C1S: variants seen among roughly 807,000 people sequenced by gnomAD.
C1S encodes complement C1s, also known as complement C1s subcomponent.
A neutral mutation model predicts 54.0 loss-of-function variants in C1S; 31 were observed. That is an observed-to-expected ratio of 0.57 (90% CI 0.43 to 0.78). The LOEUF (loss-of-function observed/expected upper bound fraction) is 0.78, where lower values mean the gene tolerates loss of function less well. Ranked by LOEUF, C1S falls within the 30% of genes least tolerant of loss-of-function variation. C1S has a pLI of 0.00. For synonymous variants in C1S, 292 were observed against 303.6 expected (o/e 0.96, Z 0.40); for missense variants, 727 against 851.8 (o/e 0.85, Z 1.82).
chr12:7,069,168 GGTCT>G (rs1240846615), intron 11 of C1S, among the ~76,000 whole-genome samples: 27 of 152,320 alleles, frequency 1.8e-4, no homozygotes, highest in African/African-American at 6.0e-4. Context: ...TTTGAGCCCA[GGTCT>G]GTCTAAGTTC....
intron 9 of C1S, 164 bp from the exon 10 acceptor site, chr12:7,067,479 G>A: frequency 1.2e-6 from 1 of 804,316 alleles, no homozygotes; most frequent in East Asian, 2.4e-5. Flanking sequence ...GCTGAGAGAT[G>A]CCAGTTGGGG....
At chr12:7,062,121 A>G in intron 2 of C1S, 1 of 587,978 alleles carries the variant, frequency 1.7e-6, no homozygotes. Flanking sequence ...AAAAAAAAAA[A>G]TTAGCCCAGC....
At chr12:7,065,578 C>T (rs1470139125) in intron 6 of C1S, 6 of 612,448 alleles carry the variant, frequency 9.8e-6, no homozygotes, top group Admixed American at 5.7e-5. Context: ...CTATGTTGCT[C>T]AGGATAGCCT....
rs963302690 is a variant in C1S at position 7,065,265 on chromosome 12, C to T, written c.683C>T (p.Ala228Val). ...AGAGAAGATTTTGATGTGGAAGCAG[C>T]TGACTCAGCGGGAAACTGCCTTGAC... ...LRREDFDVEA[A>V]DSAGNCLDSL... The change falls in exon 6 of 12, where the codon GCT (alanine) becomes GTT (valine). Residue 228 changes from alanine to valine, a missense_variant. Physicochemically the swap from Ala to Val is moderately conservative, Grantham distance 64 (BLOSUM62 0). This residue lies in a region of C1S where 357 missense variants were observed against 365.4 expected (regional missense o/e 0.98). Coordinates refer to ENST00000360817, the MANE Select transcript of C1S (RefSeq NM_001734.5). 6.2e-7 allele frequency: 1 copy of T among 1,614,074 alleles called. No homozygotes were observed. The highest frequency in any genetic ancestry group is 1.3e-5 in the African/African-American group (1 of 75,030).
chr12:7,064,493 C>G (rs1947144817), intron 5 of C1S, 101 bp downstream of exon 5: 7 of 1,162,580 alleles, frequency 6.0e-6, no homozygotes, highest in African/African-American at 1.5e-5. Context: ...TTAGGCCAAG[C>G]CTTCATTTGG....
intron 7 of C1S, chr12:7,066,227 G>T (rs1386037648): frequency 3.3e-6 from 2 of 609,096 alleles, no homozygotes; most frequent in East Asian, 5.5e-5. Context: ...TTGTTGTTCT[G>T]ATAGAATCCT....
chr12:7,065,347 T>A (rs1947158789), intron 6 of C1S, 48 bp downstream of exon 6: 1 of 1,466,268 alleles, frequency 6.8e-7, no homozygotes, highest in Non-Finnish European at 9.6e-7. Context: ...CACAGAGAGA[T>A]CTCTCCCTGA....
chr12:7,069,299 G>A (rs1171626661), intron 11 of C1S, among the ~76,000 whole-genome samples: 1 of 152,160 alleles, frequency 6.6e-6, no homozygotes, highest in African/African-American at 2.4e-5. Context: ...ACCAGTCACT[G>A]GGAGTGAGAG....
Position 7,070,025 on chromosome 12 carries a change from A to T in C1S, c.1441A>T (p.Arg481Trp). The part of the protein sequence containing the change: ...LTAAHVVEGN[R>W]EPTMYVGSTS... Reference sequence around the variant, plus strand: ...GGCTGCTCATGTTGTGGAGGGAAACAGGGAGCCAACAATGTATGTTGGGTC... The same window carrying T: ...GGCTGCTCATGTTGTGGAGGGAAACTGGGAGCCAACAATGTATGTTGGGTC... The change falls in exon 12 of 12, where the codon AGG becomes TGG. Residue 481 changes from arginine (R) to tryptophan (W), a missense_variant. By Grantham distance (101) the Arg-to-Trp change is moderately radical (BLOSUM62 -3). Transcript: ENST00000360817. The surrounding 1 kb of genome is among the most constrained non-coding windows in gnomAD (Gnocchi z 4.9). 6.2e-7 allele frequency: 1 copy of T among 1,614,196 alleles called. No homozygotes were observed. The highest frequency in any genetic ancestry group is 1.3e-5 in the African/African-American group (1 of 75,058).
intron 9 of C1S, chr12:7,067,319 C>A: frequency 3.1e-6 from 2 of 644,320 alleles, no homozygotes; most frequent in Non-Finnish European, 2.8e-6. Flanking sequence ...ATGTTTCTTT[C>A]CAAGAAAGGG....
intron 9 of C1S, 179 bp from the exon 10 acceptor site, chr12:7,067,464 A>G: frequency 1.3e-6 from 1 of 764,580 alleles, no homozygotes; most frequent in South Asian, 1.4e-5. Flanking sequence ...TCAGCGGGTG[A>G]GAGAGCTGAG....
At chr12:7,062,040 C>T (rs139040528) in intron 2 of C1S, 123 bp downstream of exon 2, 106 of 961,242 alleles carry the variant, frequency 1.1e-4, no homozygotes, top group Middle Eastern at 1.1e-3. Flanking sequence ...GAGGCTGAGG[C>T]GGGAGGATTG....
At position 7,067,058 on chromosome 12, in the gene C1S, C is replaced by T. The variant is rs782070807; in HGVS notation, c.1007C>T (p.Ser336Phe). The T allele has an allele frequency of 4.3e-6, 7 of 1,611,966 alleles. No individual in the cohort carries two copies. The highest frequency in any genetic ancestry group is 5.9e-6 in the Non-Finnish European group (7 of 1,178,102). Reference protein sequence around the residue: ...EVVEGRVGATSFYSTCQSNGK... With the variant: ...EVVEGRVGATFFYSTCQSNGK... ...CTCCAGGGACGTGTTGGTGCAACATCTTTCTATTCGACTTGTCAAAGCAAT... is the reference window on the plus strand; with the variant it reads ...CTCCAGGGACGTGTTGGTGCAACATTTTTCTATTCGACTTGTCAAAGCAAT... Residue 336 changes from serine (S) to phenylalanine (F), a missense_variant, in exon 9 of 12, where the codon TCT (serine) becomes TTT (phenylalanine). Physicochemically the swap from Ser to Phe is radical, Grantham distance 155. Transcript: ENST00000360817.
At chr12:7,066,238 G>A (rs1947175567) in intron 7 of C1S, 7 of 609,350 alleles carry the variant, frequency 1.1e-5, no homozygotes, top group South Asian at 5.9e-5. Context: ...ATAGAATCCT[G>A]AGATACTTCA....
At chr12:7,069,097 A>G (rs1231817365) in intron 11 of C1S, among the ~76,000 whole-genome samples, 2 of 152,190 alleles carry the variant, frequency 1.3e-5, no homozygotes, top group African/African-American at 2.4e-5. Flanking sequence ...TTATCTGACC[A>G]ATGTCAAATG....
rs782042818 is a variant in C1S, at chr12:7,070,569, A to G, written c.1985A>G (p.Tyr662Cys). The G allele has an allele frequency of 3.7e-6, 6 of 1,613,742 alleles. No individual in the cohort carries two copies. The highest frequency in any genetic ancestry group is 3.3e-5 in the Admixed American group (2 of 59,984). Residue 662 changes from tyrosine (Y) to cysteine (C), a missense_variant, in exon 12 of 12, where the codon TAT becomes TGT. Coordinates refer to ENST00000360817, the MANE Select transcript of C1S (RefSeq NM_001734.5). The surrounding 1 kb of genome is among the most constrained non-coding windows in gnomAD (Gnocchi z 4.9). ...TCCTGGGGGCCCCAGTGTGGGACCT[A>G]TGGGCTCTACACACGGGTAAAGAAC... ...LVSWGPQCGT[Y>C]GLYTRVKNYV...
rs1555162679 is a variant in C1S, at chr12:7,068,519, A to G, written c.1259A>G (p.Lys420Arg). 6.8e-6 allele frequency: 11 copies of G among 1,613,014 alleles called. No homozygotes were observed. Among genetic ancestry groups the G allele is most frequent in the Non-Finnish European group, 8.5e-6 (10 of 1,179,034 alleles). Residue 420 changes from lysine (K) to arginine (R), a missense_variant, in exon 11 of 12, where the codon AAA (lysine) becomes AGA (arginine). Lys to Arg is a conservative substitution (Grantham distance 26, BLOSUM62 2). Transcript: ENST00000360817. Reference sequence around the variant, plus strand: ...GAGGTGCTGGGCCCGGAGCTGCCGAAATGTGTTCCAGGTAAGGAGGGCTGA... The same window carrying G: ...GAGGTGCTGGGCCCGGAGCTGCCGAGATGTGTTCCAGGTAAGGAGGGCTGA... ...VNEVLGPELP[K>R]CVPVCGVPRE...
In C1S at chr12:7,062,918, G is replaced by A; in HGVS notation, c.242G>A (p.Arg81Lys). ...QIISGDTEEGRLCGQRSSNNP... is the reference protein window; with the variant it reads ...QIISGDTEEGKLCGQRSSNNP... ...ATCTCAGGAGACACTGAAGAAGGGA[G>A]GCTCTGTGGACAGAGGAGCAGTAAC... Residue 81 changes from arginine (R) to lysine (K), a missense_variant, in exon 4 of 12, where the codon AGG becomes AAG. By Grantham distance (26) the Arg-to-Lys change is conservative. Transcript: ENST00000360817. The A allele has an allele frequency of 1.2e-6, 2 of 1,614,036 alleles. No homozygotes were observed. Among genetic ancestry groups the A allele is most frequent in the Non-Finnish European group, 1.7e-6 (2 of 1,179,990 alleles).
Position 7,067,624 on chromosome 12 carries a change from T to G in C1S, c.1067-19T>G, listed in dbSNP as rs1555162498. 1 of 1,613,576 alleles carries G rather than the reference T, an allele frequency of 6.2e-7. No individual in the cohort carries two copies. On this transcript the variant is annotated intron_variant, in intron 9 of 11. Transcript: ENST00000360817. ...GAAGTGGCTGTCCTGACCATCGCTC[T>G]CCTTCCTTCGTCTGGTAGCTGTGGA...
Sources: allele counts gnomAD v4.1 joint callset (sites outside exome capture counted in the v4.1 genomes callset), GRCh38; gene constraint gnomAD v4.1.1; regional missense constraint gnomAD v4.1.1; non-coding constraint Gnocchi (gnomAD v3.1); transcripts MANE v1.5; gene names NCBI Gene and HGNC (gene_info 2026-07-23, HGNC 2026-07-21).